SYNJ1: variants seen among roughly 807,000 people sequenced by gnomAD.
SYNJ1 encodes the protein polyphosphatidylinositol phosphatase SYNJ1.
A neutral mutation model predicts 168.2 loss-of-function variants in SYNJ1; 78 were observed. The ratio of observed to expected loss-of-function variants is 0.46; its 90% CI spans 0.39 to 0.56. The LOEUF (loss-of-function observed/expected upper bound fraction) is 0.56, where lower values mean the gene tolerates loss of function less well. Among genes scored for constraint, SYNJ1 ranks in the 20% least tolerant of loss-of-function variants. The pLI, the probability that SYNJ1 is intolerant of heterozygous loss-of-function variation, is 0.00. For synonymous variants in SYNJ1, 539 were observed against 548.6 expected (o/e 0.98, Z 0.24); for missense variants, 1,303 against 1,597.6 (o/e 0.82, Z 3.14).
intron 2 of SYNJ1, among the ~76,000 whole-genome samples, chr21:32,705,642 T>C (rs2042579980): frequency 6.6e-6 from 1 of 152,082 alleles, no homozygotes. Flanking sequence ...GGAAAAAAAG[T>C]CTTCCCGACA....
rs1166335520 is a variant in SYNJ1 at position 32,629,285 on chromosome 21, C to T, written c.*2520G>A. The T allele has an allele frequency of 6.6e-6, 1 of 152,604 alleles. No individual in the cohort carries two copies. The highest frequency in any genetic ancestry group is 2.4e-5 in the African/African-American group (1 of 41,450). The allele number at this position is 152,604 out of a possible 1,614,324, so 9.5% of individuals were successfully genotyped here. On this transcript the variant is annotated 3_prime_UTR_variant, in exon 33 of 33. Transcript: ENST00000674351. ...AAGCCACAGTTTCAACAAGTTAATT[C>T]ACATTTTGAAGCAACTGCTTATAGT...
At chr21:32,649,033 A>G (rs768221704) in intron 23 of SYNJ1, among the ~76,000 whole-genome samples, 11 of 152,158 alleles carry the variant, frequency 7.2e-5, no homozygotes, top group Non-Finnish European at 1.5e-4. Flanking sequence ...TTGGATTCTC[A>G]ACTTAAATTT....
rs2146214065 is a variant in SYNJ1 at position 32,700,086 on chromosome 21, A to G, written c.231T>C (p.Tyr77=). ...RLNLGDTMLH[Y]LVLVTGCMSV... ...ACATACATCCAGTGACTAGGACCAG[A>G]TAATGTAACATAGTATCACCTGCAA... The change falls in exon 4 of 33, where the codon TAT becomes TAC. Residue 77 remains tyrosine (Y), a synonymous_variant. Transcript: ENST00000674351. 1 of 1,611,400 alleles carries G rather than the reference A, an allele frequency of 6.2e-7. No homozygotes were observed.
intron 2 of SYNJ1, among the ~76,000 whole-genome samples, chr21:32,702,554 AT>A (rs1317828899): frequency 3.3e-5 from 5 of 152,254 alleles, no homozygotes; most frequent in African/African-American, 1.2e-4. Context: ...ACAAAAAAAA[AT>A]CAAATCCTGA....
At chr21:32,717,959 A>C (rs1439629877) in intron 2 of SYNJ1, among the ~76,000 whole-genome samples, 2 of 151,590 alleles carry the variant, frequency 1.3e-5, no homozygotes, top group Non-Finnish European at 2.9e-5. Flanking sequence ...CATAAAACCC[A>C]CCTCATTTGT....
intron 2 of SYNJ1, among the ~76,000 whole-genome samples, chr21:32,724,427 G>C (rs1037811345): frequency 2.0e-5 from 3 of 151,932 alleles, no homozygotes; most frequent in Non-Finnish European, 4.4e-5. Context: ...GGTGGAGGTT[G>C]CAGTGAGCCG....
intron 18 of SYNJ1, among the ~76,000 whole-genome samples, chr21:32,661,327 C>T (rs529006162): frequency 6.6e-6 from 1 of 152,338 alleles, no homozygotes; most frequent in Non-Finnish European, 1.5e-5. Context: ...ACCCAGCATA[C>T]AAGCTTATGG....
chr21:32,680,665 G>A (rs1351561894), intron 11 of SYNJ1, among the ~76,000 whole-genome samples: 3 of 151,812 alleles, frequency 2.0e-5, no homozygotes, highest in Non-Finnish European at 4.4e-5. Flanking sequence ...AGGCTGGATG[G>A]AGTGCAGTGG....
At chr21:32,653,533 C>T in intron 21 of SYNJ1, 167 bp from the exon 22 acceptor site, 2 of 568,450 alleles carry the variant, frequency 3.5e-6, no homozygotes, top group Non-Finnish European at 6.3e-6. Context: ...GGGCACTCTT[C>T]CCCTAAAAAC....
chr21:32,664,450 C>T (rs1002359816), intron 18 of SYNJ1, among the ~76,000 whole-genome samples: 7 of 152,162 alleles, frequency 4.6e-5, no homozygotes, highest in African/African-American at 1.4e-4. Context: ...CAACCCTTGA[C>T]CTAACCGCTT....
At chr21:32,705,485 A>G (rs145760172) in intron 2 of SYNJ1, among the ~76,000 whole-genome samples, 227 of 152,320 alleles carry the variant, frequency 1.5e-3, no homozygotes, top group African/African-American at 4.9e-3. Flanking sequence ...TAATTGAGAT[A>G]TGTCACAAAC....
intron 6 of SYNJ1, among the ~76,000 whole-genome samples, chr21:32,692,195 G>A (rs2042050001): frequency 6.6e-6 from 1 of 152,178 alleles, no homozygotes; most frequent in African/African-American, 2.4e-5. Flanking sequence ...CTTTTCACTT[G>A]GTCAGGACTG....
Position 32,645,667 on chromosome 21 carries a change from G to GA in SYNJ1, c.3369_3370insT (p.Gln1124SerfsTer10). On this transcript the variant is annotated frameshift_variant, in exon 25 of 33. Coordinates refer to ENST00000674351, the MANE Select transcript of SYNJ1 (RefSeq NM_203446.3). LOFTEE classifies it high-confidence loss of function. ...TCACCTGAAGGCGGAGGAGGTCTCT[G>GA]TGGGGGAGCCGGGCGTGTGGGAGGG... is the stretch of plus-strand genomic sequence containing the variant. 6.5e-7 allele frequency: 1 copy of GA among 1,528,346 alleles called. No individual in the cohort carries two copies. The highest frequency in any genetic ancestry group is 8.7e-7 in the Non-Finnish European group (1 of 1,143,748). The allele number at this position is 1,528,346 out of a possible 1,614,324, so 94.7% of individuals were successfully genotyped here. A position where few individuals can be genotyped will look rare whatever the true frequency, so the allele number is the denominator to read the frequency against.
At chr21:32,667,873 C>G (rs2041005647) in intron 15 of SYNJ1, among the ~76,000 whole-genome samples, 1 of 152,030 alleles carries the variant, frequency 6.6e-6, no homozygotes, top group Non-Finnish European at 1.5e-5. Context: ...TCCGTTTCTT[C>G]CCACTAGAAT....
intron 2 of SYNJ1, among the ~76,000 whole-genome samples, chr21:32,713,961 C>T (rs993284613): frequency 6.6e-6 from 1 of 152,164 alleles, no homozygotes; most frequent in Non-Finnish European, 1.5e-5. Flanking sequence ...GGGGATTATT[C>T]TCTGGAAAGC....
chr21:32,653,309 A>C lies in SYNJ1; in HGVS notation c.2853T>G (p.Val951=). 1 of 1,613,908 alleles carries C rather than the reference A, an allele frequency of 6.2e-7. No homozygotes were observed. Among genetic ancestry groups the C allele is most frequent in the Non-Finnish European group, 8.5e-7 (1 of 1,179,814 alleles). The change falls in exon 22 of 33, where the codon GTT becomes GTG. Residue 951 remains valine, a synonymous_variant. Transcript: ENST00000674351. ...TFLEGSSALN[V]LSLNGKELLN... ...TTACCTCTTTACCATTTAGGCTCAG[A>C]ACATTCAAGGCAGAGCTTCCCTCCA...
chr21:32,681,623 A>C lies in SYNJ1; in HGVS notation c.1226T>G (p.Leu409Arg). ...CAACTGAGGCTTTTCAGCTAAACCAAGAGCTTCCAACTGTTTAGCTAGCAT... is the reference window on the plus strand; with the variant it reads ...CAACTGAGGCTTTTCAGCTAAACCACGAGCTTCCAACTGTTTAGCTAGCAT... Reference protein sequence around the residue: ...LEMLAKQLEALGLAEKPQLVT... With the variant: ...LEMLAKQLEARGLAEKPQLVT... Residue 409 changes from leucine to arginine, a missense_variant, in exon 11 of 33, where the codon CTT (leucine) becomes CGT (arginine). Physicochemically the swap from Leu to Arg is moderately radical, Grantham distance 102. Around this residue, in one of 2 missense-constraint regions of SYNJ1, gnomAD observed 920 missense variants for 1,208.8 expected, o/e 0.76. Transcript: ENST00000674351. 1 of 1,613,776 alleles carries C rather than the reference A, an allele frequency of 6.2e-7. No homozygotes were observed. Among genetic ancestry groups the C allele is most frequent in the Non-Finnish European group, 8.5e-7 (1 of 1,179,788 alleles).
At chr21:32,658,245 C>T (rs2040539780) in intron 18 of SYNJ1, among the ~76,000 whole-genome samples, 1 of 152,110 alleles carries the variant, frequency 6.6e-6, no homozygotes, top group South Asian at 2.1e-4. Flanking sequence ...CAATCCTGTG[C>T]CCATAAAAAC....
chr21:32,684,540 G>T (rs2146076208), intron 9 of SYNJ1, among the ~76,000 whole-genome samples: 1 of 152,220 alleles, frequency 6.6e-6, no homozygotes, highest in South Asian at 2.1e-4. Flanking sequence ...TTAAAAATTT[G>T]AGCTTTCTGC....
Sources: gnomAD v4.1 joint callset for allele counts (sites outside exome capture counted in the v4.1 genomes callset) on GRCh38, gnomAD v4.1.1 for gene constraint, gnomAD v4.1.1 regional missense constraint, MANE v1.5 for transcripts, NCBI Gene and HGNC (gene_info 2026-07-23, HGNC 2026-07-21) for gene names.